The following GOLGA6L25 variants were observed in gnomAD, a reference collection of about 807,000 sequenced individuals.
GOLGA6L25 encodes golgin subfamily A member 6-like protein 25.
At chr15:28,559,289 G>C in the GOLGA6L25 span, among the ~76,000 whole-genome samples, 1 of 114,848 alleles carries the variant, frequency 8.7e-6, no homozygotes, top group African/African-American at 3.7e-5. Context: ...TGTCACCCAG[G>C]CCAGAGTGCA....
chr15:28,559,221 C>CATTT, the GOLGA6L25 span, among the ~76,000 whole-genome samples: 1,422 of 126,972 alleles, frequency 0.011, 1 homozygote, highest in East Asian at 0.013. Flanking sequence ...TTATAGATTA[C>CATTT]ATTTATTTAT....
At chr15:28,558,258 A>C in the GOLGA6L25 span, among the ~76,000 whole-genome samples, 26 of 75,632 alleles carry the variant, frequency 3.4e-4, 4 homozygotes, top group African/African-American at 1.5e-3. Flanking sequence ...AAAAAAAAGA[A>C]AGAAAGAAAG....
the GOLGA6L25 span, among the ~76,000 whole-genome samples, chr15:28,558,254 A>T: frequency 1.3e-5 from 1 of 75,862 alleles, no homozygotes; most frequent in Non-Finnish European, 2.5e-5. Context: ...AAAAAAAAAA[A>T]AGAAAGAAAG....
chr15:28,559,336 C>T, the GOLGA6L25 span, among the ~76,000 whole-genome samples: 3 of 88,470 alleles, frequency 3.4e-5, no homozygotes, highest in African/African-American at 1.0e-4. Flanking sequence ...CTCCACCCCC[C>T]GGCTTCACGC....
chr15:28,558,028 T>C, the GOLGA6L25 span, among the ~76,000 whole-genome samples: 109 of 29,550 alleles, frequency 3.7e-3, 11 homozygotes, highest in South Asian at 0.027. Flanking sequence ...GCGGATCACC[T>C]GCGGTCAGGA....
At chr15:28,559,433 C>T in the GOLGA6L25 span, among the ~76,000 whole-genome samples, 1 of 82,824 alleles carries the variant, frequency 1.2e-5, no homozygotes, top group Admixed American at 1.4e-4. Flanking sequence ...TTAGTAGAGA[C>T]GGGGTTTCAC....
the GOLGA6L25 span, among the ~76,000 whole-genome samples, chr15:28,554,279 CAT>C: frequency 1.2e-5 from 1 of 83,860 alleles, no homozygotes; most frequent in Admixed American, 1.1e-4. Context: ...GCATTGCACT[CAT>C]GTGTCCCCCC....
chr15:28,556,429 C>T, the GOLGA6L25 span, among the ~76,000 whole-genome samples: 4 of 116,548 alleles, frequency 3.4e-5, no homozygotes, highest in African/African-American at 1.6e-4. Flanking sequence ...GATGTAGAGG[C>T]CCCAGGCTCA....
At chr15:28,558,250 A>G in the GOLGA6L25 span, among the ~76,000 whole-genome samples, 2 of 76,164 alleles carry the variant, frequency 2.6e-5, 1 homozygote, top group Non-Finnish European at 5.0e-5. Context: ...GCCAAAAAAA[A>G]AAAAAGAAAG....
At chr15:28,558,333 G>A in the GOLGA6L25 span, 2 of 263,762 alleles carry the variant, frequency 7.6e-6, 1 homozygote, top group African/African-American at 1.1e-4. Flanking sequence ...TTGAGAGTGA[G>A]GAAGTGTTAC....
At chr15:28,559,221 C>CATTTATTT in the GOLGA6L25 span, among the ~76,000 whole-genome samples, 11 of 129,014 alleles carry the variant, frequency 8.5e-5, no homozygotes, top group East Asian at 3.9e-4. Context: ...TTATAGATTA[C>CATTTATTT]ATTTATTTAT....
chr15:28,558,255 AGAAAG>A, the GOLGA6L25 span, among the ~76,000 whole-genome samples: 56 of 75,336 alleles, frequency 7.4e-4, no homozygotes, highest in African/African-American at 3.1e-3. Context: ...AAAAAAAAAA[AGAAAG>A]AAAGAAAGAA....
At chr15:28,556,449 C>T in the GOLGA6L25 span, among the ~76,000 whole-genome samples, 2 of 95,852 alleles carry the variant, frequency 2.1e-5, no homozygotes, top group Non-Finnish European at 3.8e-5. Flanking sequence ...ATCTCACCCA[C>T]TCCCAGCCTG....
chr15:28,560,686 G>A, the GOLGA6L25 span: 1 of 1,433,894 alleles, frequency 7.0e-7, no homozygotes, highest in African/African-American at 1.5e-5. Flanking sequence ...TACGAGAGCA[G>A]GAGGAGATGA....
At chr15:28,553,611 C>T in the GOLGA6L25 span, 1 of 562,912 alleles carries the variant, frequency 1.8e-6, no homozygotes, top group Non-Finnish European at 3.1e-6. Context: ...TATACTTGTC[C>T]TCACCTGGAT....
the GOLGA6L25 span, among the ~76,000 whole-genome samples, chr15:28,557,983 G>A: frequency 1.1e-3 from 49 of 45,256 alleles, 1 homozygote; most frequent in Middle Eastern, 0.014. Flanking sequence ...TCTCGCTCAC[G>A]CCTGTAATGC....
At chr15:28,559,034 G>A in the GOLGA6L25 span, 2 of 55,762 alleles carry the variant, frequency 3.6e-5, no homozygotes, top group Admixed American at 6.7e-4. Flanking sequence ...ATCATGCAGG[G>A]TATGGGGAGG....
chr15:28,553,751 C>G, the GOLGA6L25 span: 1 of 483,262 alleles, frequency 2.1e-6, no homozygotes. Flanking sequence ...GCAAATTGGC[C>G]GAGGCCAAGG....
chr15:28,559,221 C>CATTTATGT, the GOLGA6L25 span, among the ~76,000 whole-genome samples: 1 of 128,978 alleles, frequency 7.8e-6, no homozygotes, highest in South Asian at 2.5e-4. Context: ...TTATAGATTA[C>CATTTATGT]ATTTATTTAT....
Sources: gnomAD v4.1 joint callset for allele counts (sites outside exome capture counted in the v4.1 genomes callset) on GRCh38, gnomAD v4.1.1 for gene constraint, MANE v1.5 for transcripts, NCBI Gene and HGNC (gene_info 2026-07-23, HGNC 2026-07-21) for gene names.